Variants in ADGRV1 observed in about 807,000 individuals in gnomAD.
ADGRV1 encodes adhesion G protein-coupled receptor V1.
Under a neutral mutation model 596.2 loss-of-function variants are expected in ADGRV1, and 359 were observed. The observed-to-expected ratio is 0.60, with a 90% confidence interval of 0.55 to 0.66. The LOEUF (loss-of-function observed/expected upper bound fraction) is 0.66, where lower values mean the gene tolerates loss of function less well. Ranked by LOEUF, ADGRV1 falls within the 30% of genes least tolerant of loss-of-function variation. The probability of loss-of-function intolerance (pLI) is 0.00; values close to 1 mark genes in which losing one functional copy is unlikely to be tolerated. For missense variants in ADGRV1, 7,274 were observed against 7,575.6 expected, an observed-to-expected ratio of 0.96 and a Z score of 1.48; for synonymous variants, 2,681 against 2,679.2, an observed-to-expected ratio of 1.00 and a Z score of -0.02.
chr5:91,131,124 G>A (rs1265368608), intron 87 of ADGRV1, among the ~76,000 whole-genome samples: 3 of 152,042 alleles, frequency 2.0e-5, no homozygotes, highest in Non-Finnish European at 2.9e-5. Context: ...TTTTCCTTTG[G>A]GCTTATACCC....
intron 84 of ADGRV1, among the ~76,000 whole-genome samples, chr5:90,972,680 ATCTC>A (rs1581675359): frequency 6.6e-6 from 1 of 152,192 alleles, no homozygotes; most frequent in East Asian, 1.9e-4. Context: ...ACATACCAGA[ATCTC>A]TGGGACACAT....
chr5:90,980,032 A>G (rs1446589548), intron 84 of ADGRV1, among the ~76,000 whole-genome samples: 1 of 152,218 alleles, frequency 6.6e-6, no homozygotes, highest in Non-Finnish European at 1.5e-5. Flanking sequence ...GAAATTTTCA[A>G]AAATAGCATT....
At chr5:90,604,573 G>T (rs1258754481) in intron 1 of ADGRV1, among the ~76,000 whole-genome samples, 3 of 152,078 alleles carry the variant, frequency 2.0e-5, no homozygotes, top group African/African-American at 4.8e-5. Flanking sequence ...ACAAAATTAC[G>T]TTTGTTTGAG....
chr5:90,615,505 A>C (rs1455435708), intron 2 of ADGRV1, among the ~76,000 whole-genome samples: 1 of 151,942 alleles, frequency 6.6e-6, no homozygotes, highest in Non-Finnish European at 1.5e-5. Context: ...TCTATCTAGC[A>C]CACAATTTAG....
At chr5:90,627,188 C>T in intron 6 of ADGRV1, 23 bp from the exon 7 acceptor site, 6 of 1,368,310 alleles carry the variant, frequency 4.4e-6, no homozygotes, top group South Asian at 1.7e-5. Context: ...GATGTTTTGC[C>T]TCTGTTTATA....
chr5:90,848,904 T>C (rs1416445255), intron 79 of ADGRV1, 83 bp downstream of exon 79: 1 of 958,096 alleles, frequency 1.0e-6, no homozygotes, highest in Non-Finnish European at 1.5e-6. Context: ...CAAAATGACA[T>C]TTAGATGATG....
chr5:90,728,441 G>A (rs1392206423), intron 48 of ADGRV1, among the ~76,000 whole-genome samples: 1 of 152,220 alleles, frequency 6.6e-6, no homozygotes, highest in South Asian at 2.1e-4. Flanking sequence ...TTCACTCTGT[G>A]TGTGTGTATG....
In ADGRV1 at chr5:90,672,702, C is replaced by T. The variant is rs1433152268; in HGVS notation, c.4909C>T (p.Leu1637Phe). The change falls in exon 22 of 90, where the codon CTT (leucine) becomes TTT (phenylalanine). Residue 1637 changes from leucine (L) to phenylalanine (F), a missense_variant. Leu to Phe is a conservative substitution (Grantham distance 22). Around this residue, in one of 5 missense-constraint regions of ADGRV1, gnomAD observed 3,643 missense variants for 3,809.2 expected, o/e 0.96. Transcript: ENST00000405460. ...FANASGTITF[L>F]PWQRSEVLNI... ...TAATGCCAGTGGAACTATTACATTC[C>T]TTCCTTGGCAGAGATCAGAGGTAAA... 2 of 1,612,148 alleles carry T rather than the reference C, an allele frequency of 1.2e-6. No homozygotes were observed. The highest frequency in any genetic ancestry group is 1.7e-6 in the Non-Finnish European group (2 of 1,178,920).
At chr5:90,703,839 T>G in intron 35 of ADGRV1, 44 bp downstream of exon 35, 8 of 1,450,018 alleles carry the variant, frequency 5.5e-6, no homozygotes, top group Non-Finnish European at 7.5e-6. Flanking sequence ...CTAGAAAGAA[T>G]GGTGTATTTT....
intron 1 of ADGRV1, among the ~76,000 whole-genome samples, chr5:90,570,049 T>C (rs1756323007): frequency 6.6e-6 from 1 of 152,180 alleles, no homozygotes; most frequent in Non-Finnish European, 1.5e-5. Context: ...TTTACATTTT[T>C]TTCTGTGGAT....
Position 90,645,949 on chromosome 5 carries a change from C to T in ADGRV1, c.2899-19C>T, listed in dbSNP as rs376161938. On this transcript the variant is annotated intron_variant, in intron 15 of 89. Transcript: ENST00000405460. ...TATGTATAAGTCACCTGACTTAAAA[C>T]GTGTAACATTTTCCAAAGATTCCAG... is the stretch of plus-strand genomic sequence containing the variant. 103 of 1,563,380 alleles carry T rather than the reference C, an allele frequency of 6.6e-5. No homozygotes were observed. The African/African-American group carries it at 9.4e-4, about 14-fold the overall frequency.
At chr5:90,619,386 C>T (rs1295865007) in intron 4 of ADGRV1, among the ~76,000 whole-genome samples, 2 of 152,082 alleles carry the variant, frequency 1.3e-5, no homozygotes, top group Admixed American at 6.6e-5. Context: ...CTTGTATGAT[C>T]GTGGTCATCT....
intron 83 of ADGRV1, 72 bp from the exon 84 acceptor site, chr5:90,965,343 A>G (rs1006636208): frequency 2.1e-6 from 2 of 940,648 alleles, no homozygotes; most frequent in African/African-American, 1.6e-5. Context: ...TAGATAAGAA[A>G]GCAGTTTACT....
intron 34 of ADGRV1, among the ~76,000 whole-genome samples, chr5:90,698,968 A>G (rs1441069741): frequency 6.6e-6 from 1 of 152,158 alleles, no homozygotes; most frequent in Non-Finnish European, 1.5e-5. Flanking sequence ...AACAGTGGCA[A>G]TGGTAGATGA....
At chr5:90,862,272 A>G (rs1156920963) in intron 82 of ADGRV1, among the ~76,000 whole-genome samples, 1 of 151,540 alleles carries the variant, frequency 6.6e-6, no homozygotes, top group Non-Finnish European at 1.5e-5. Flanking sequence ...ACCACAGTCA[A>G]CTTACAGCAG....
At chr5:91,161,685 A>G (rs1796966076) in intron 89 of ADGRV1, among the ~76,000 whole-genome samples, 2 of 152,062 alleles carry the variant, frequency 1.3e-5, no homozygotes, top group Non-Finnish European at 2.9e-5. Context: ...TTTATGGCTT[A>G]TGTATACATT....
chr5:90,776,582 G>T lies in ADGRV1; in HGVS notation c.12527+6G>T, dbSNP rs141701016. ...AATGGTACCGCTATTATCAGGTAAG[G>T]ACTTCATGATTTTTCTTTGCCTATA... On this transcript the variant is annotated splice_donor_region_variant and intron_variant, in intron 61 of 89. Transcript: ENST00000405460. The T allele has an allele frequency of 3.4e-4, 555 of 1,613,048 alleles. 2 individuals are homozygous for T. In the African/African-American group the frequency reaches 5.7e-3, roughly 17 times the overall value.
At position 91,063,525 on chromosome 5, in the gene ADGRV1, C is replaced by T. The variant is rs527238816; in HGVS notation, c.18153-8922C>T. Among the ~76,000 whole-genome samples, 5 of 152,244 alleles carry T rather than the reference C, an allele frequency of 3.3e-5. No homozygotes were observed. The East Asian group carries it at 9.6e-4, about 29-fold the overall frequency. ...AATCCTAGAACATGAAGCATTCCTA[C>T]GCATGATGTTAACATCATTTTGGAA... is the stretch of plus-strand genomic sequence containing the variant. On this transcript the variant is annotated intron_variant, in intron 85 of 89. Transcript: ENST00000405460.
chr5:90,618,007 T>G, intron 3 of ADGRV1, 54 bp downstream of exon 3: 1 of 1,374,980 alleles, frequency 7.3e-7, no homozygotes, highest in Middle Eastern at 1.9e-4. Context: ...ATAAAACTTA[T>G]AAAAATCTTT....
Sources: allele counts gnomAD v4.1 joint callset (sites outside exome capture counted in the v4.1 genomes callset), GRCh38; gene constraint gnomAD v4.1.1; regional missense constraint gnomAD v4.1.1; transcripts MANE v1.5; gene names NCBI Gene and HGNC (gene_info 2026-07-23, HGNC 2026-07-21).